Variants in AGFG1 observed in about 807,000 individuals in gnomAD.
AGFG1 encodes arf-GAP domain and FG repeat-containing protein 1.
In AGFG1, 10 loss-of-function variants were observed where a neutral mutation model predicts 60.6. The observed-to-expected ratio is 0.16, with a 90% CI of 0.10 to 0.28. The LOEUF is 0.28. AGFG1 is among the 10% of genes least tolerant of loss of function. AGFG1 has a pLI of 1.00. For synonymous variants in AGFG1, 247 were observed against 242.9 expected (o/e 1.02, Z -0.16); for missense variants, 537 against 676.5 (o/e 0.79, Z 2.29).
intron 2 of AGFG1, among the ~76,000 whole-genome samples, chr2:227,513,569 T>C (rs1691558290): frequency 1.3e-5 from 2 of 152,232 alleles, no homozygotes; most frequent in Non-Finnish European, 2.9e-5. Context: ...GGTAGTGATA[T>C]GCCCTGCTGT....
At chr2:227,497,746 T>G (rs1180909103) in intron 2 of AGFG1, among the ~76,000 whole-genome samples, 1 of 135,686 alleles carries the variant, frequency 7.4e-6, no homozygotes, top group Non-Finnish European at 1.6e-5. Flanking sequence ...TTTTTTTTTT[T>G]TTTTTTTTTT....
Position 227,480,599 on chromosome 2 carries a change from T to TC in AGFG1, c.167+8011_167+8012insC, listed in dbSNP as rs1346558993. On this transcript the variant is annotated intron_variant, in intron 1 of 12. Coordinates refer to ENST00000310078, the MANE Select transcript of AGFG1 (RefSeq NM_004504.5). ...ATCAGATGCATCAGCTACTTTTTTT[T>TC]TTTTTTTAACTGTTTCTGGGTACTT... Among the ~76,000 whole-genome samples, 7 of 152,116 alleles carry TC rather than the reference T, an allele frequency of 4.6e-5. No homozygotes were observed. The South Asian group carries it at 1.0e-3, about 23-fold the overall frequency.
intron 1 of AGFG1, among the ~76,000 whole-genome samples, chr2:227,477,777 T>A (rs1329358657): frequency 6.6e-6 from 1 of 151,834 alleles, no homozygotes; most frequent in East Asian, 1.9e-4. Context: ...GGCTAAATTT[T>A]TTTTGTATTT....
In AGFG1 at chr2:227,533,634, T is replaced by C; in HGVS notation, c.900T>C (p.Asn300=). The C allele has an allele frequency of 6.2e-7, 1 of 1,613,860 alleles. No homozygotes were observed. The highest frequency in any genetic ancestry group is 1.1e-5 in the South Asian group (1 of 91,072). The change falls in exon 7 of 13, where the codon AAT becomes AAC. Residue 300 remains asparagine, a synonymous_variant. Coordinates refer to ENST00000310078, the MANE Select transcript of AGFG1 (RefSeq NM_004504.5). The part of the protein sequence containing the change: ...KSSSADFGTF[N]TSQSHQTASA... ...CCAGTGCTGATTTTGGAACCTTCAA[T>C]ACTTCCCAGAGTCATCAAACAGCAT...
chr2:227,483,121 A>G (rs1235760215), intron 1 of AGFG1, among the ~76,000 whole-genome samples: 1 of 152,058 alleles, frequency 6.6e-6, no homozygotes, highest in Non-Finnish European at 1.5e-5. Context: ...TATGACTAAT[A>G]TGACAGAAAA....
intron 6 of AGFG1, among the ~76,000 whole-genome samples, chr2:227,531,630 A>C (rs776940154): frequency 1.0e-4 from 14 of 138,776 alleles, no homozygotes; most frequent in Non-Finnish European, 1.7e-4. Flanking sequence ...GCTGGGTCTC[A>C]CTATGTTGCC....
intron 2 of AGFG1, among the ~76,000 whole-genome samples, chr2:227,504,374 G>A (rs146237830): frequency 2.8e-3 from 429 of 152,138 alleles, no homozygotes; most frequent in Non-Finnish European, 4.9e-3. Context: ...TGTATTTTGA[G>A]TAGAGATAGA....
chr2:227,472,957 T>TG (rs1028192835), intron 1 of AGFG1, among the ~76,000 whole-genome samples: 1 of 70,188 alleles, frequency 1.4e-5, no homozygotes, highest in Non-Finnish European at 3.0e-5. Context: ...CGCCGGGCTG[T>TG]GGGGGGTGGG....
chr2:227,514,035 A>G (rs1448579222), intron 2 of AGFG1, among the ~76,000 whole-genome samples: 1 of 152,138 alleles, frequency 6.6e-6, no homozygotes, highest in Non-Finnish European at 1.5e-5. Context: ...CAGAGGAGGG[A>G]GAGTGCTCTG....
chr2:227,473,041 C>T (rs1331654070), intron 1 of AGFG1, among the ~76,000 whole-genome samples: 1 of 103,218 alleles, frequency 9.7e-6, no homozygotes, highest in Non-Finnish European at 1.8e-5. Flanking sequence ...GGCCCGGGAG[C>T]CGCGGTGCGG....
rs1234890965 is a variant in AGFG1 at position 227,556,113 on chromosome 2, G to A, written c.*1618G>A. On this transcript the variant is annotated 3_prime_UTR_variant, in exon 13 of 13. Coordinates refer to ENST00000310078, the MANE Select transcript of AGFG1 (RefSeq NM_004504.5). Reference sequence around the variant, plus strand: ...TAGGTAATTAAGTAAAGGTGAAATTGCATACACAGATATGTAGTACATATT... The same window carrying A: ...TAGGTAATTAAGTAAAGGTGAAATTACATACACAGATATGTAGTACATATT... 4 of 152,108 alleles carry A rather than the reference G, an allele frequency of 2.6e-5. No homozygotes were observed. Among genetic ancestry groups the A allele is most frequent in the Non-Finnish European group, 4.4e-5 (3 of 68,028 alleles). 9.4% of individuals were successfully genotyped at this position (152,108 alleles called of 1,614,324 possible).
Position 227,558,001 on chromosome 2 carries a change from T to C in AGFG1, c.*3506T>C, listed in dbSNP as rs1476905174. 1 of 152,222 alleles carries C rather than the reference T, an allele frequency of 6.6e-6. No homozygotes were observed. Among genetic ancestry groups the C allele is most frequent in the Non-Finnish European group, 1.5e-5 (1 of 68,036 alleles). The allele number at this position is 152,222 out of a possible 1,614,324, so 9.4% of individuals were successfully genotyped here. ...ACAGTATTTACTTGCAGGGCAAACATAACTATTCCCTGGGTTTTTTTTGTT... is the reference window on the plus strand; with the variant it reads ...ACAGTATTTACTTGCAGGGCAAACACAACTATTCCCTGGGTTTTTTTTGTT... On this transcript the variant is annotated 3_prime_UTR_variant, in exon 13 of 13. Transcript: ENST00000310078.
intron 1 of AGFG1, among the ~76,000 whole-genome samples, chr2:227,483,736 G>A (rs1690536818): frequency 6.6e-6 from 1 of 152,188 alleles, no homozygotes; most frequent in African/African-American, 2.4e-5. Flanking sequence ...TCTAGTTTTT[G>A]ATATATATGA....
intron 2 of AGFG1, among the ~76,000 whole-genome samples, chr2:227,501,645 T>A (rs1210018643): frequency 6.6e-6 from 1 of 150,588 alleles, no homozygotes; most frequent in Non-Finnish European, 1.5e-5. Context: ...GTGCAGTGGC[T>A]GGATCACGGC....
chr2:227,523,744 T>A lies in AGFG1; in HGVS notation c.378-19T>A, dbSNP rs763472053. The A allele has an allele frequency of 8.8e-6, 14 of 1,583,734 alleles. No individual in the cohort carries two copies. Among genetic ancestry groups the A allele is most frequent in the Non-Finnish European group, 8.6e-7 (1 of 1,160,436 alleles). On this transcript the variant is annotated intron_variant, in intron 3 of 12. Coordinates refer to ENST00000310078, the MANE Select transcript of AGFG1 (RefSeq NM_004504.5). ...TTACCTACATTTTTTTTTAGTTAAC[T>A]GTTTTTTACATGTTTTAGGTATGTC...
chr2:227,482,365 G>T (rs1439855939), intron 1 of AGFG1, among the ~76,000 whole-genome samples: 1 of 152,110 alleles, frequency 6.6e-6, no homozygotes, highest in Non-Finnish European at 1.5e-5. Context: ...GTTTTTTAAT[G>T]TTGGACTCTG....
intron 1 of AGFG1, among the ~76,000 whole-genome samples, chr2:227,481,499 G>A (rs1470341814): frequency 6.6e-6 from 1 of 152,074 alleles, no homozygotes; most frequent in Non-Finnish European, 1.5e-5. Context: ...TCCTGTGGTG[G>A]GAATCAGTTT....
chr2:227,472,608 G>A lies in AGFG1; in HGVS notation c.167+20G>A, dbSNP rs1170726466. On this transcript the variant is annotated intron_variant, in intron 1 of 12. Transcript: ENST00000310078. ...CAGCCTGTGAGTGCGGGGCGGCCGG[G>A]CGGGTGTCGGGCCCTTCCCGGGAGG... is the stretch of plus-strand genomic sequence containing the variant. 1.3e-6 allele frequency: 2 copies of A among 1,562,474 alleles called. 1 individual carries two copies. Among genetic ancestry groups the A allele is most frequent in the Admixed American group, 3.6e-5 (2 of 55,206 alleles).
chr2:227,536,212 C>T (rs1487068133), intron 8 of AGFG1, among the ~76,000 whole-genome samples: 1 of 149,438 alleles, frequency 6.7e-6, no homozygotes, highest in Non-Finnish European at 1.5e-5. Flanking sequence ...TGTTTCCCAC[C>T]CTGTGTCCAT....
Sources: allele counts gnomAD v4.1 joint callset (sites outside exome capture counted in the v4.1 genomes callset), GRCh38; gene constraint gnomAD v4.1.1; transcripts MANE v1.5; gene names NCBI Gene and HGNC (gene_info 2026-07-23, HGNC 2026-07-21).